PDE7A: variants seen among roughly 807,000 people sequenced by gnomAD.
The protein encoded by PDE7A is high affinity 3',5'-cyclic-AMP phosphodiesterase 7A.
A neutral mutation model predicts 64.3 loss-of-function variants in PDE7A; 39 were observed. The ratio of observed to expected loss-of-function variants is 0.61; its 90% CI spans 0.47 to 0.79. PDE7A has a LOEUF of 0.79. Ranked by LOEUF, PDE7A falls within the 30% of genes least tolerant of loss-of-function variation. The pLI, the probability that PDE7A is intolerant of heterozygous loss-of-function variation, is 0.00. For missense variants in PDE7A, 470 were observed against 582.8 expected (o/e 0.81, Z 1.99); for synonymous variants, 203 against 206.8 (o/e 0.98, Z 0.16).
chr8:65,827,392 C>T (rs761457689), intron 1 of PDE7A, among the ~76,000 whole-genome samples: 13 of 152,052 alleles, frequency 8.5e-5, no homozygotes, highest in Admixed American at 4.6e-4. Flanking sequence ...ATTTTACGAA[C>T]GTATTAGGCA....
chr8:65,771,884 C>CAAAAAAAAAAAA (rs36101490), intron 3 of PDE7A, among the ~76,000 whole-genome samples: 1 of 55,836 alleles, frequency 1.8e-5, no homozygotes, highest in African/African-American at 5.5e-5. Flanking sequence ...CTCCATCTCT[C>CAAAAAAAAAAAA]AAAAAAAAAA....
intron 1 of PDE7A, among the ~76,000 whole-genome samples, chr8:65,802,839 G>A (rs894732812): frequency 2.0e-5 from 3 of 152,194 alleles, no homozygotes; most frequent in African/African-American, 7.2e-5. Flanking sequence ...GAGGTGTTTG[G>A]ATCATGGGGG....
intron 1 of PDE7A, among the ~76,000 whole-genome samples, chr8:65,800,041 T>C (rs1315012447): frequency 7.2e-5 from 11 of 152,178 alleles, no homozygotes. Flanking sequence ...AACAAGAAGG[T>C]AATAGTAGCC....
chr8:65,830,963 T>A (rs984798830), intron 1 of PDE7A, among the ~76,000 whole-genome samples: 16 of 152,108 alleles, frequency 1.1e-4, no homozygotes, highest in African/African-American at 3.6e-4. Flanking sequence ...CTATAAAAAA[T>A]TCTGTTAAAA....
At chr8:65,778,536 C>A (rs1809321678) in intron 3 of PDE7A, among the ~76,000 whole-genome samples, 1 of 152,164 alleles carries the variant, frequency 6.6e-6, no homozygotes, top group African/African-American at 2.4e-5. Context: ...TTGATATATA[C>A]CCTGACTGAA....
intron 1 of PDE7A, among the ~76,000 whole-genome samples, chr8:65,840,442 A>C (rs1426901107): frequency 6.6e-6 from 1 of 150,928 alleles, no homozygotes; most frequent in East Asian, 1.9e-4. Flanking sequence ...CTTGCTCAAG[A>C]TACAATATAA....
chr8:65,827,949 C>A (rs936936263), intron 1 of PDE7A, among the ~76,000 whole-genome samples: 1 of 152,166 alleles, frequency 6.6e-6, no homozygotes, highest in Admixed American at 6.6e-5. Context: ...ATGTGCCAGG[C>A]ACACAGGGCT....
At chr8:65,786,537 ATGT>A (rs1267678034) in intron 1 of PDE7A, among the ~76,000 whole-genome samples, 1 of 152,234 alleles carries the variant, frequency 6.6e-6, no homozygotes, top group Non-Finnish European at 1.5e-5. Context: ...TGTTAGAATC[ATGT>A]TGTTTTAAAA....
chr8:65,768,358 C>G (rs1042900201), intron 3 of PDE7A, among the ~76,000 whole-genome samples: 5 of 151,996 alleles, frequency 3.3e-5, no homozygotes, highest in African/African-American at 1.2e-4. Context: ...GTGGGAGGGA[C>G]CTGGTAGGAG....
chr8:65,734,349 C>CT (rs1807033095), intron 7 of PDE7A, among the ~76,000 whole-genome samples: 1 of 152,230 alleles, frequency 6.6e-6, no homozygotes, highest in African/African-American at 2.4e-5. Flanking sequence ...ACTCTGCTCT[C>CT]TTCCATGGAG....
chr8:65,738,554 C>T (rs1227879270), intron 6 of PDE7A, among the ~76,000 whole-genome samples: 2 of 152,170 alleles, frequency 1.3e-5, no homozygotes, highest in Admixed American at 6.5e-5. Flanking sequence ...CTCAGCCTCC[C>T]GAGCAGCTGG....
chr8:65,720,780 G>A (rs184713476), intron 12 of PDE7A, among the ~76,000 whole-genome samples: 1 of 152,250 alleles, frequency 6.6e-6, no homozygotes, highest in Non-Finnish European at 1.5e-5. Context: ...ATAGAAAAGT[G>A]TCATTATAGT....
intron 3 of PDE7A, chr8:65,771,154 A>C: frequency 4.4e-6 from 1 of 225,438 alleles, no homozygotes; most frequent in South Asian, 5.1e-5. Flanking sequence ...ATTGCTCCTT[A>C]ACTGGTCAGG....
At chr8:65,813,850 T>A (rs571947677) in intron 1 of PDE7A, among the ~76,000 whole-genome samples, 12 of 152,334 alleles carry the variant, frequency 7.9e-5, no homozygotes, top group African/African-American at 2.6e-4. Flanking sequence ...ATCTATTATA[T>A]CATCAACCTT....
At position 65,740,687 on chromosome 8, in the gene PDE7A, T is replaced by C. The variant is rs143172715; in HGVS notation, c.500-1090A>G. On this transcript the variant is annotated intron_variant, in intron 5 of 12. Transcript: ENST00000401827. ...AGTGCTGGGATTTACAGGCGTGAGC[T>C]ACCACGCCTGGCCAAGTTTCCCTTT... 4.6e-3 allele frequency among the ~76,000 whole-genome samples: 693 copies of C among 152,218 alleles called. 5 individuals are homozygous for C. Among genetic ancestry groups the C allele is most frequent in the South Asian group, 0.039 (187 of 4,824 alleles).
Position 65,718,338 on chromosome 8 carries a change from C to T in PDE7A, c.*952G>A, listed in dbSNP as rs546740976. 1.3e-5 allele frequency: 2 copies of T among 152,392 alleles called. No individual in the cohort carries two copies. Among genetic ancestry groups the T allele is most frequent in the South Asian group, 2.1e-4 (1 of 4,828 alleles). 9.4% of individuals were successfully genotyped at this position (152,392 alleles called of 1,614,324 possible). A position where few individuals can be genotyped will look rare whatever the true frequency, so the allele number is the denominator to read the frequency against. ...ACAACATACCTCTCACTCACTGCAG[C>T]GAAAGGGACTTTAGTACCCTTGATC... On this transcript the variant is annotated 3_prime_UTR_variant, in exon 13 of 13. Transcript: ENST00000401827.
At chr8:65,809,243 T>A (rs544153536) in intron 1 of PDE7A, among the ~76,000 whole-genome samples, 1 of 152,320 alleles carries the variant, frequency 6.6e-6, no homozygotes, top group Non-Finnish European at 1.5e-5. Flanking sequence ...CACTGCTTCA[T>A]TACATAAACA....
At chr8:65,800,329 G>A (rs545423142) in intron 1 of PDE7A, among the ~76,000 whole-genome samples, 42 of 152,268 alleles carry the variant, frequency 2.8e-4, no homozygotes, top group African/African-American at 9.6e-4. Flanking sequence ...AAACAAAGCT[G>A]CTCTTCCTTA....
chr8:65,719,718 A>C (rs1806293983), intron 12 of PDE7A: 1 of 553,214 alleles, frequency 1.8e-6, no homozygotes, highest in African/African-American at 1.9e-5. Context: ...AGTAAAAGTG[A>C]ACTGACAAAT....
Sources: gnomAD v4.1 joint callset for allele counts (sites outside exome capture counted in the v4.1 genomes callset) on GRCh38, gnomAD v4.1.1 for gene constraint, MANE v1.5 for transcripts, NCBI Gene and HGNC (gene_info 2026-07-23, HGNC 2026-07-21) for gene names.